The following PSD3 variants were observed in gnomAD, a reference collection of about 807,000 sequenced individuals.
The protein encoded by PSD3 is PH and SEC7 domain-containing protein 3.
Under a neutral mutation model 105.5 loss-of-function variants are expected in PSD3, and 49 were observed. That is an observed-to-expected ratio of 0.46 (90% CI 0.37 to 0.59). PSD3 has a LOEUF of 0.59. Among genes scored for constraint, PSD3 ranks in the 20% least tolerant of loss-of-function variants. The probability of loss-of-function intolerance (pLI) is 0.00; values close to 1 mark genes in which losing one functional copy is unlikely to be tolerated. For synonymous variants in PSD3, 557 were observed against 457.8 expected (o/e 1.22, Z -2.77); for missense variants, 1,561 against 1,263.8 (o/e 1.24, Z -3.57).
intron 4 of PSD3, among the ~76,000 whole-genome samples, chr8:18,818,910 C>T (rs1205805916): frequency 6.6e-6 from 1 of 152,092 alleles, no homozygotes; most frequent in African/African-American, 2.4e-5. Context: ...GGGGAAAAGT[C>T]ATCCCTGCCA....
In PSD3 at chr8:18,684,247, CACA is replaced by C. The variant is rs767423757; in HGVS notation, c.2173-28565_2173-28563del. 95 of 186,384 alleles carry C rather than the reference CACA, an allele frequency of 5.1e-4. 1 individual carries two copies. Among genetic ancestry groups the C allele is most frequent in the South Asian group, 1.7e-3 (10 of 6,054 alleles). 11.5% of individuals were successfully genotyped at this position (186,384 alleles called of 1,614,324 possible). A position where few individuals can be genotyped will look rare whatever the true frequency, so the allele number is the denominator to read the frequency against. On this transcript the variant is annotated intron_variant, in intron 9 of 15. Transcript: ENST00000327040. ...ACACACACACACACACACACACACA[CACA>C]CCCCATCATATTCACACACTGGAAC...
intron 8 of PSD3, among the ~76,000 whole-genome samples, chr8:18,769,698 C>A (rs1347870834): frequency 2.6e-5 from 4 of 152,138 alleles, no homozygotes; most frequent in African/African-American, 4.8e-5. Context: ...TACAGATTTG[C>A]CTATTCAGGA....
At chr8:18,872,862 C>T in intron 2 of PSD3, 129 bp from the exon 3 acceptor site, 1 of 881,900 alleles carries the variant, frequency 1.1e-6, no homozygotes, top group Non-Finnish European at 1.7e-6. Context: ...TATATCAGTC[C>T]TCCCACCACC....
intron 8 of PSD3, among the ~76,000 whole-genome samples, chr8:18,768,710 C>G (rs957797647): frequency 6.6e-6 from 1 of 152,220 alleles, no homozygotes; most frequent in African/African-American, 2.4e-5. Flanking sequence ...CCCACCTCCC[C>G]TTTCCCAGCC....
intron 9 of PSD3, among the ~76,000 whole-genome samples, chr8:18,755,005 C>A (rs909433440): frequency 6.6e-6 from 1 of 152,162 alleles, no homozygotes; most frequent in Non-Finnish European, 1.5e-5. Flanking sequence ...GCTCCTCAGT[C>A]TCCTGACATA....
At chr8:18,926,817 C>A (rs1821395147) in intron 2 of PSD3, among the ~76,000 whole-genome samples, 1 of 152,194 alleles carries the variant, frequency 6.6e-6, no homozygotes, top group Admixed American at 6.5e-5. Context: ...CACTATCTAC[C>A]CGGATATGGC....
intron 2 of PSD3, among the ~76,000 whole-genome samples, chr8:18,903,081 G>T (rs980984787): frequency 6.6e-6 from 1 of 152,130 alleles, no homozygotes; most frequent in African/African-American, 2.4e-5. Context: ...TTGGATGTAA[G>T]TTGCCCCCGG....
chr8:18,978,678 C>T (rs1265684576), intron 1 of PSD3, among the ~76,000 whole-genome samples: 1 of 152,148 alleles, frequency 6.6e-6, no homozygotes, highest in African/African-American at 2.4e-5. Context: ...ACCTCAACCA[C>T]TGCCAGGCTC....
chr8:18,833,533 T>A (rs552498521), intron 4 of PSD3, among the ~76,000 whole-genome samples: 1 of 152,282 alleles, frequency 6.6e-6, no homozygotes, highest in South Asian at 2.1e-4. Context: ...GACTGATAAA[T>A]GAGTGAAATT....
chr8:19,044,927 G>T (rs933030452), intron 1 of PSD3, among the ~76,000 whole-genome samples: 1 of 152,312 alleles, frequency 6.6e-6, no homozygotes, highest in East Asian at 1.9e-4. Flanking sequence ...GATCATGCCT[G>T]TAATCCCAGC....
intron 8 of PSD3, among the ~76,000 whole-genome samples, chr8:18,771,498 C>G (rs568552874): frequency 1.3e-5 from 2 of 152,252 alleles, no homozygotes; most frequent in Admixed American, 1.3e-4. Context: ...AGATATTTGA[C>G]CCATTTTGAG....
At chr8:18,743,090 G>C (rs975588589) in intron 9 of PSD3, among the ~76,000 whole-genome samples, 1 of 152,170 alleles carries the variant, frequency 6.6e-6, no homozygotes, top group African/African-American at 2.4e-5. Flanking sequence ...TCTCTTAAAA[G>C]TTGCTATGCA....
rs1459089047 is a variant in PSD3, at chr8:18,529,945, A to T, written c.*5798T>A. 2 of 152,316 alleles carry T rather than the reference A, an allele frequency of 1.3e-5. No individual in the cohort carries two copies. Among genetic ancestry groups the T allele is most frequent in the African/African-American group, 4.8e-5 (2 of 41,438 alleles). The allele number at this position is 152,316 out of a possible 1,614,324, so 9.4% of individuals were successfully genotyped here. ...AAGAACCAATTAGGAAAAATGATAT[A>T]TTTGCAAAAATAGTTTGAGACTATA... On this transcript the variant is annotated 3_prime_UTR_variant, in exon 16 of 16. Transcript: ENST00000327040.
At chr8:18,593,604 C>A (rs1348656550) in intron 12 of PSD3, among the ~76,000 whole-genome samples, 1 of 152,058 alleles carries the variant, frequency 6.6e-6, no homozygotes, top group Non-Finnish European at 1.5e-5. Context: ...TACCATTTGA[C>A]CCAGCCATCC....
At chr8:18,608,286 G>A (rs780284425) in intron 11 of PSD3, among the ~76,000 whole-genome samples, 18 of 152,196 alleles carry the variant, frequency 1.2e-4, no homozygotes, top group Non-Finnish European at 2.5e-4. Context: ...CACTGTTCCA[G>A]TCAGATTGAA....
chr8:18,668,415 T>A (rs190279457), intron 9 of PSD3, among the ~76,000 whole-genome samples: 3 of 152,350 alleles, frequency 2.0e-5, no homozygotes, highest in Non-Finnish European at 2.9e-5. Context: ...CTTCCTCTGA[T>A]AATAACTATC....
intron 4 of PSD3, among the ~76,000 whole-genome samples, chr8:18,843,176 C>T (rs1227942782): frequency 1.3e-5 from 2 of 151,894 alleles, no homozygotes; most frequent in East Asian, 1.9e-4. Context: ...CTGGCTACCA[C>T]GGTGAAACCC....
At chr8:18,704,676 T>C in intron 9 of PSD3, among the ~76,000 whole-genome samples, 1 of 152,168 alleles carries the variant, frequency 6.6e-6, no homozygotes, top group East Asian at 1.9e-4. Context: ...TCCATCTCAG[T>C]TCTGCTAAGT....
At chr8:19,063,238 C>T (rs1828962828) in intron 1 of PSD3, among the ~76,000 whole-genome samples, 1 of 152,190 alleles carries the variant, frequency 6.6e-6, no homozygotes, top group African/African-American at 2.4e-5. Context: ...ATTGGGCACA[C>T]TGGTTAGCTG....
Sources: gnomAD v4.1 joint callset for allele counts (sites outside exome capture counted in the v4.1 genomes callset) on GRCh38, gnomAD v4.1.1 for gene constraint, MANE v1.5 for transcripts, NCBI Gene and HGNC (gene_info 2026-07-23, HGNC 2026-07-21) for gene names.